Variants in FBLN1 observed in about 807,000 individuals in gnomAD.
FBLN1 encodes the protein fibulin-1.
FBLN1 carries 34 observed loss-of-function variants against 89.7 expected under a neutral mutation model. The ratio of observed to expected loss-of-function variants is 0.38; its 90% confidence interval spans 0.29 to 0.50. The LOEUF is 0.50. FBLN1 is among the 20% of genes least tolerant of loss of function. The pLI is 0.92. For missense variants in FBLN1, 777 were observed against 988.1 expected, an observed-to-expected ratio of 0.79 and a Z score of 2.86; for synonymous variants, 393 against 391.3, an observed-to-expected ratio of 1.00 and a Z score of -0.05.
chr22:45,518,450 T>A, intron 1 of FBLN1: 1 of 586,364 alleles, frequency 1.7e-6, no homozygotes, highest in South Asian at 1.8e-5. Context: ...CCAAGCTGGA[T>A]TCAGATGGGG....
intron 14 of FBLN1, among the ~76,000 whole-genome samples, chr22:45,573,983 C>CTCA (rs67217167): frequency 1.3e-4 from 1 of 7,678 alleles, no homozygotes; most frequent in Non-Finnish European, 2.8e-4. Context: ...GTAGCCTCTT[C>CTCA]TGCCTCCCCG....
At chr22:45,584,854 C>T (rs947985778) in intron 16 of FBLN1, among the ~76,000 whole-genome samples, 4 of 152,344 alleles carry the variant, frequency 2.6e-5, no homozygotes, top group Non-Finnish European at 4.4e-5. Flanking sequence ...CTGGTGAGGC[C>T]GGCCTGGCCG....
intron 1 of FBLN1, among the ~76,000 whole-genome samples, chr22:45,510,972 G>A (rs2146940458): frequency 6.6e-6 from 1 of 152,318 alleles, no homozygotes; most frequent in Middle Eastern, 3.4e-3. Context: ...GGTGGATGTG[G>A]TGGCGTGTTG....
Position 45,589,095 on chromosome 22 carries a change from TA to T in FBLN1, c.1973-11206del, listed in dbSNP as rs541232966. The stretch of plus-strand genomic sequence containing the variant: ...TATATAAAAATATTTTTTATATATA[TA>T]AAAAATATATAAAAATATTTTTATA... On this transcript the variant is annotated intron_variant, in intron 16 of 16. Coordinates refer to ENST00000327858, the MANE Select transcript of FBLN1 (RefSeq NM_006486.3). Among the ~76,000 whole-genome samples, 8 of 146,158 alleles carry T rather than the reference TA, an allele frequency of 5.5e-5. No individual in the cohort carries two copies. In the East Asian group the frequency reaches 5.9e-4, roughly 11 times the overall value.
chr22:45,550,477 T>C lies in FBLN1; in HGVS notation c.1574-15T>C. The C allele has an allele frequency of 6.2e-7, 1 of 1,613,884 alleles. No individual in the cohort carries two copies. Among genetic ancestry groups the C allele is most frequent in the Non-Finnish European group, 8.5e-7 (1 of 1,179,986 alleles). ...AGCCTCTGCCTTCACTGTGCTGCTGTGGGGTCTCTTGCAGACATTGATGAG... is the reference window on the plus strand; with the variant it reads ...AGCCTCTGCCTTCACTGTGCTGCTGCGGGGTCTCTTGCAGACATTGATGAG... On this transcript the variant is annotated splice_polypyrimidine_tract_variant and intron_variant, in intron 13 of 16. Coordinates refer to ENST00000327858, the MANE Select transcript of FBLN1 (RefSeq NM_006486.3). This position sits in a 1 kb window ranked among gnomAD's most constrained non-coding sequence, Gnocchi z 8.4.
At position 45,533,860 on chromosome 22, in the gene FBLN1, G is replaced by A; in HGVS notation, c.746G>A (p.Gly249Glu). The A allele has an allele frequency of 6.2e-7, 1 of 1,614,120 alleles. No homozygotes were observed. The highest frequency in any genetic ancestry group is 8.5e-7 in the Non-Finnish European group (1 of 1,180,034). The change falls in exon 7 of 17, where the codon GGG (glycine) becomes GAG (glutamate). Residue 249 changes from glycine to glutamate, a missense_variant. Gly to Glu is a moderately conservative substitution (Grantham distance 98). Transcript: ENST00000327858. Reference sequence around the variant, plus strand: ...CGCTGCCAGCGGGACAGCAGCTGCGGGACTGGCTATGAGCTCACAGAGGAC... The same window carrying A: ...CGCTGCCAGCGGGACAGCAGCTGCGAGACTGGCTATGAGCTCACAGAGGAC... ...SFRCQRDSSC[G>E]TGYELTEDNS... is the part of the protein sequence containing the mutation.
At chr22:45,543,560 A>G (rs1437779086) in intron 11 of FBLN1, 34 bp downstream of exon 11, 1 of 1,608,600 alleles carries the variant, frequency 6.2e-7, no homozygotes, top group Non-Finnish European at 8.5e-7. Context: ...CACCTCCCCC[A>G]GGTCACCTTC....
At chr22:45,508,960 A>C (rs2088062187) in intron 1 of FBLN1, among the ~76,000 whole-genome samples, 1 of 152,176 alleles carries the variant, frequency 6.6e-6, no homozygotes. Context: ...TATTTGTCCC[A>C]TGTGCATGCG....
At chr22:45,517,921 A>G (rs1490085678) in intron 1 of FBLN1, among the ~76,000 whole-genome samples, 1 of 152,172 alleles carries the variant, frequency 6.6e-6, no homozygotes, top group East Asian at 1.9e-4. Context: ...ACGCAAGTTC[A>G]GGAGTTCCAG....
rs1165303204 is a variant in FBLN1 at position 45,583,609 on chromosome 22, T to G, written c.1972+6501T>G. On this transcript the variant is annotated intron_variant, in intron 16 of 16. Coordinates refer to ENST00000327858, the MANE Select transcript of FBLN1 (RefSeq NM_006486.3). This position sits in a 1 kb window ranked among gnomAD's most constrained non-coding sequence, Gnocchi z 4.5. The stretch of plus-strand genomic sequence containing the variant: ...CCTTGCCGTCTCTCTTGAGAGTGGC[T>G]ATACCTTCTAGGCCTGATCAGGAAG... Among the ~76,000 whole-genome samples, 1 of 152,180 alleles carries G rather than the reference T, an allele frequency of 6.6e-6. No homozygotes were observed. The highest frequency in any genetic ancestry group is 1.5e-5 in the Non-Finnish European group (1 of 68,022).
rs578142440 is a variant in FBLN1 at position 45,563,420 on chromosome 22, G to A, written c.1698-11091G>A. 120 of 1,491,244 alleles carry A rather than the reference G, an allele frequency of 8.0e-5. No individual in the cohort carries two copies. Among genetic ancestry groups the A allele is most frequent in the Non-Finnish European group, 9.3e-5 (104 of 1,118,284 alleles). 92.4% of individuals were successfully genotyped at this position (1,491,244 alleles called of 1,614,324 possible). Reference sequence around the variant, plus strand: ...TGGGAGTCTGTGCCGCTTGTTACCCGGGGGTGAGCTGGGCACTGGCCACCG... The same window carrying A: ...TGGGAGTCTGTGCCGCTTGTTACCCAGGGGTGAGCTGGGCACTGGCCACCG... On this transcript the variant is annotated intron_variant, in intron 14 of 16. Transcript: ENST00000327858. This position sits in a 1 kb window ranked among gnomAD's most constrained non-coding sequence, Gnocchi z 5.7.
chr22:45,600,743 A>G lies in FBLN1; in HGVS notation c.*297A>G. 2.2e-6 allele frequency: 1 copy of G among 448,230 alleles called. No homozygotes were observed. The highest frequency in any genetic ancestry group is 4.1e-6 in the Non-Finnish European group (1 of 242,546). The allele number at this position is 448,230 out of a possible 1,614,324, so 27.8% of individuals were successfully genotyped here. A position where few individuals can be genotyped will look rare whatever the true frequency, so the allele number is the denominator to read the frequency against. The stretch of plus-strand genomic sequence containing the variant: ...GCTGGGCCTTGCTAAGGGCCAAGGA[A>G]AGAAAGACATTTTTTAGGGGGCAGC... On this transcript the variant is annotated 3_prime_UTR_variant, in exon 17 of 17. Transcript: ENST00000327858.
intron 14 of FBLN1, chr22:45,558,091 A>G (rs1487701990): frequency 2.8e-6 from 2 of 716,886 alleles, no homozygotes; most frequent in Non-Finnish European, 5.2e-6. Flanking sequence ...GGAACTCTGC[A>G]TGAGGCCATC....
intron 1 of FBLN1, among the ~76,000 whole-genome samples, chr22:45,513,510 G>A (rs2088129432): frequency 6.6e-6 from 1 of 151,900 alleles, no homozygotes; most frequent in African/African-American, 2.4e-5. Flanking sequence ...CACTGCGCCC[G>A]GCCCATTTTA....
At chr22:45,508,969 C>T (rs1379356517) in intron 1 of FBLN1, among the ~76,000 whole-genome samples, 8 of 152,132 alleles carry the variant, frequency 5.3e-5, no homozygotes, top group Non-Finnish European at 7.3e-5. Context: ...CATGTGCATG[C>T]GTGTATATGT....
Position 45,557,378 on chromosome 22 carries a change from C to T in FBLN1, c.1697+6763C>T, listed in dbSNP as rs2088802039. Among the ~76,000 whole-genome samples, 1 of 152,222 alleles carries T rather than the reference C, an allele frequency of 6.6e-6. No individual in the cohort carries two copies. Among genetic ancestry groups the T allele is most frequent in the Non-Finnish European group, 1.5e-5 (1 of 68,052 alleles). On this transcript the variant is annotated intron_variant, in intron 14 of 16. Transcript: ENST00000327858. This position sits in a 1 kb window ranked among gnomAD's most constrained non-coding sequence, Gnocchi z 4.9. ...ATGGAAGAGGTCCAGTATAATCAAC[C>T]TGCCACCAGGTAGCTGGCTGATCAC...
Position 45,550,366 on chromosome 22 carries a change from A to G in FBLN1, c.1574-126A>G. On this transcript the variant is annotated intron_variant, in intron 13 of 16. Coordinates refer to ENST00000327858, the MANE Select transcript of FBLN1 (RefSeq NM_006486.3). The surrounding 1 kb of genome is among the most constrained non-coding windows in gnomAD (Gnocchi z 8.4). ...CGCTGCTCTGAAGATCAGCCAGTGG[A>G]GGGCAGGGATGGCCTGATCGCCACC... 1 of 1,279,836 alleles carries G rather than the reference A, an allele frequency of 7.8e-7. No homozygotes were observed. Among genetic ancestry groups the G allele is most frequent in the Non-Finnish European group, 1.1e-6 (1 of 888,422 alleles). 79.3% of individuals were successfully genotyped at this position (1,279,836 alleles called of 1,614,324 possible).
Position 45,563,490 on chromosome 22 carries a change from G to A in FBLN1, c.1698-11021G>A. The stretch of plus-strand genomic sequence containing the variant: ...GACTGAGGAGCGCTCCCCACTAGAG[G>A]GTGTGTGCTCGGGGGTCCCTGTTCA... On this transcript the variant is annotated intron_variant, in intron 14 of 16. Transcript: ENST00000327858. This position sits in a 1 kb window ranked among gnomAD's most constrained non-coding sequence, Gnocchi z 5.7. The A allele has an allele frequency of 1.1e-6, 1 of 916,404 alleles. No individual in the cohort carries two copies. The allele number at this position is 916,404 out of a possible 1,614,324, so 56.8% of individuals were successfully genotyped here. A position where few individuals can be genotyped will look rare whatever the true frequency, so the allele number is the denominator to read the frequency against.
At chr22:45,548,553 G>C in intron 12 of FBLN1, 60 bp from the exon 13 acceptor site, 1 of 1,607,108 alleles carries the variant, frequency 6.2e-7, no homozygotes. Flanking sequence ...GATGTAGCAT[G>C]GCCAGCAGCC....
Sources: gnomAD v4.1 joint callset for allele counts (sites outside exome capture counted in the v4.1 genomes callset) on GRCh38, gnomAD v4.1.1 for gene constraint, Gnocchi (gnomAD v3.1) non-coding constraint, MANE v1.5 for transcripts, NCBI Gene and HGNC (gene_info 2026-07-23, HGNC 2026-07-21) for gene names.